CETP: variants seen among roughly 807,000 people sequenced by gnomAD.
CETP encodes cholesteryl ester transfer protein.
CETP carries 56 observed loss-of-function variants against 66.5 expected under a neutral mutation model. The ratio of observed to expected loss-of-function variants is 0.84; its 90% CI spans 0.68 to 1.05. The LOEUF is 1.05. Among genes scored for constraint, CETP ranks in the 50% least tolerant of loss-of-function variants. The pLI is 0.00. For synonymous variants in CETP, 251 were observed against 245.7 expected, an observed-to-expected ratio of 1.02 and a Z score of -0.20; for missense variants, 612 against 609.6, an observed-to-expected ratio of 1.00 and a Z score of -0.04.
intron 11 of CETP, among the ~76,000 whole-genome samples, chr16:56,979,844 G>GAT (rs2056175874): frequency 2.6e-5 from 4 of 152,140 alleles, no homozygotes; most frequent in Admixed American, 2.0e-4. Flanking sequence ...AGACAAGAGC[G>GAT]ATACAATCAC....
chr16:56,983,447 T>G, intron 15 of CETP, 36 bp downstream of exon 15: 1 of 1,607,408 alleles, frequency 6.2e-7, no homozygotes, highest in Non-Finnish European at 8.5e-7. Flanking sequence ...CCCCTGTTCC[T>G]GGGGAGAGAG....
At chr16:56,967,929 GGCCTGGGCAACAGAGA>G (rs2056079658) in intron 2 of CETP, among the ~76,000 whole-genome samples, 2 of 151,476 alleles carry the variant, frequency 1.3e-5, no homozygotes, top group South Asian at 4.2e-4. Flanking sequence ...ACTGCACTCT[GGCCTGGGCAACAGAGA>G]GCCACCCTAT....
chr16:56,979,802 C>G (rs949979588), intron 11 of CETP, among the ~76,000 whole-genome samples: 2 of 151,926 alleles, frequency 1.3e-5, no homozygotes, highest in African/African-American at 4.8e-5. Flanking sequence ...CCACTGTGCT[C>G]GGCCAATATT....
chr16:56,972,549 T>A (rs1044180010), intron 8 of CETP, among the ~76,000 whole-genome samples: 14 of 152,222 alleles, frequency 9.2e-5, no homozygotes, highest in Non-Finnish European at 5.9e-5. Context: ...ATCAGGAGGC[T>A]GCAGGGTGTC....
intron 10 of CETP, among the ~76,000 whole-genome samples, chr16:56,977,036 T>C (rs1968905): frequency 6.6e-6 from 1 of 151,884 alleles, no homozygotes; most frequent in African/African-American, 2.4e-5. Flanking sequence ...AGCCTCCCGA[T>C]TGGCTGGGGT....
At chr16:56,966,180 G>C (rs1420218582) in intron 2 of CETP, among the ~76,000 whole-genome samples, 2 of 152,230 alleles carry the variant, frequency 1.3e-5, no homozygotes, top group African/African-American at 4.8e-5. Context: ...AGATCAAGCT[G>C]TCAGCAGAAC....
intron 6 of CETP, 46 bp from the exon 7 acceptor site, chr16:56,971,275 C>T: frequency 6.3e-7 from 1 of 1,598,588 alleles, no homozygotes; most frequent in Non-Finnish European, 8.6e-7. Context: ...GGCACTGCCT[C>T]TGGCCTCCTT....
chr16:56,970,908 A>G, intron 5 of CETP, 125 bp from the exon 6 acceptor site: 1 of 877,462 alleles, frequency 1.1e-6, no homozygotes, highest in South Asian at 1.4e-5. Flanking sequence ...GGGAGTGATA[A>G]TTCTTACTTC....
intron 6 of CETP, 63 bp downstream of exon 6, chr16:56,971,165 C>T (rs1327118351): frequency 6.4e-7 from 1 of 1,569,712 alleles, no homozygotes; most frequent in Non-Finnish European, 8.8e-7. Flanking sequence ...GATCCCTTTC[C>T]TCCCTGCCTT....
chr16:56,976,935 T>C (rs1273099108), intron 10 of CETP, among the ~76,000 whole-genome samples: 1 of 151,852 alleles, frequency 6.6e-6, no homozygotes, highest in African/African-American at 2.4e-5. Flanking sequence ...TGAGACAGAG[T>C]CTCGCTCTTG....
At chr16:56,963,843 A>G (rs1398809334) in intron 2 of CETP, among the ~76,000 whole-genome samples, 1 of 151,704 alleles carries the variant, frequency 6.6e-6, no homozygotes, top group African/African-American at 2.4e-5. Context: ...TAATTTTTGT[A>G]TTTTTAGTAG....
chr16:56,964,254 T>C (rs2056049167), intron 2 of CETP, among the ~76,000 whole-genome samples: 1 of 152,134 alleles, frequency 6.6e-6, no homozygotes, highest in African/African-American at 2.4e-5. Flanking sequence ...CTTAAACTCC[T>C]GACCTCAAGT....
rs755750702 is a variant in CETP at position 56,983,366 on chromosome 16, C to T, written c.1362C>T (p.Gly454=). ...VVFTALMNSK[G]VSLFDIINPE... ...TTACAGCCCTCATGAACAGCAAAGG[C>T]GTGAGCCTCTTCGACATCATCAACC... Residue 454 remains glycine, a synonymous_variant, in exon 15 of 16, where the codon GGC becomes GGT. Transcript: ENST00000200676. The T allele has an allele frequency of 4.0e-5, 65 of 1,614,110 alleles. No homozygotes were observed. Among genetic ancestry groups the T allele is most frequent in the Non-Finnish European group, 4.3e-5 (51 of 1,180,042 alleles).
At chr16:56,963,157 G>A (rs768745796) in intron 2 of CETP, 33 bp downstream of exon 2, 1 of 1,571,422 alleles carries the variant, frequency 6.4e-7, no homozygotes, top group South Asian at 1.1e-5. Flanking sequence ...CCAGGCTGGG[G>A]GTAGGGAGGC....
At chr16:56,972,443 G>T (rs1449537756) in intron 8 of CETP, among the ~76,000 whole-genome samples, 1 of 152,220 alleles carries the variant, frequency 6.6e-6, no homozygotes, top group Non-Finnish European at 1.5e-5. Context: ...TTAGGATATA[G>T]ATTTCTGTAA....
chr16:56,983,491 G>C (rs2056203326), intron 15 of CETP, 80 bp downstream of exon 15: 1 of 1,595,928 alleles, frequency 6.3e-7, no homozygotes, highest in African/African-American at 1.3e-5. Flanking sequence ...ACTGGGGGCT[G>C]TTGGGGAGAC....
At chr16:56,983,118 G>A (rs1372843070) in intron 14 of CETP, among the ~76,000 whole-genome samples, 4 of 152,182 alleles carry the variant, frequency 2.6e-5, no homozygotes, top group African/African-American at 9.7e-5. Context: ...TTTTTTGGCA[G>A]CAGAGTGGCA....
At chr16:56,981,456 C>T (rs1216197410) in intron 12 of CETP, among the ~76,000 whole-genome samples, 191 bp from the exon 13 acceptor site, 3 of 152,222 alleles carry the variant, frequency 2.0e-5, no homozygotes, top group African/African-American at 4.8e-5. Context: ...AGGAGGAGAG[C>T]GCTGCCCGAG....
chr16:56,981,631 CG>C lies in CETP; in HGVS notation c.1215-15del, dbSNP rs760088429. On this transcript the variant is annotated splice_polypyrimidine_tract_variant and intron_variant, in intron 12 of 15. Transcript: ENST00000200676. ...GCCCAATGGAGGGTCAAATTATCATCGCTTTTTTATTTCAGGATTACACCAA... is the reference window on the plus strand; with the variant it reads ...GCCCAATGGAGGGTCAAATTATCATCCTTTTTTATTTCAGGATTACACCAA... 6.2e-7 allele frequency: 1 copy of C among 1,613,850 alleles called. No homozygotes were observed. The highest frequency in any genetic ancestry group is 8.5e-7 in the Non-Finnish European group (1 of 1,179,728).
Sources: allele counts gnomAD v4.1 joint callset (sites outside exome capture counted in the v4.1 genomes callset), GRCh38; gene constraint gnomAD v4.1.1; transcripts MANE v1.5; gene names NCBI Gene and HGNC (gene_info 2026-07-23, HGNC 2026-07-21).